Variants in SENP5 observed in about 807,000 individuals in gnomAD.
SENP5 encodes the protein sentrin-specific protease 5.
Under a neutral mutation model 74.2 loss-of-function variants are expected in SENP5, and 21 were observed. That is an observed-to-expected ratio of 0.28 (90% confidence interval 0.20 to 0.41). The LOEUF (loss-of-function observed/expected upper bound fraction) is 0.41, where lower values mean the gene tolerates loss of function less well. Ranked by LOEUF, SENP5 falls within the 10% of genes least tolerant of loss-of-function variation. The pLI is 1.00. For missense variants in SENP5, 717 were observed against 889.1 expected, an observed-to-expected ratio of 0.81 and a Z score of 2.46; for synonymous variants, 311 against 312.7, an observed-to-expected ratio of 0.99 and a Z score of 0.06.
rs115004507 is a variant in SENP5 at position 196,917,856 on chromosome 3, A to G, written c.1885-5558A>G. 5.5e-3 allele frequency among the ~76,000 whole-genome samples: 835 copies of G among 152,282 alleles called. 1 individual carries two copies. The highest frequency in any genetic ancestry group is 0.019 in the African/African-American group (790 of 41,552). On this transcript the variant is annotated intron_variant, in intron 6 of 9. Transcript: ENST00000323460. The stretch of plus-strand genomic sequence containing the variant: ...AAAGGACATGAGTGAGCAATAAGAA[A>G]TCATCCAAAGGTACAAAACTCACTG...
At chr3:196,925,081 A>G (rs1715762355) in intron 7 of SENP5, among the ~76,000 whole-genome samples, 1 of 152,170 alleles carries the variant, frequency 6.6e-6, no homozygotes, top group African/African-American at 2.4e-5. Context: ...GTGGGACCTT[A>G]CCATTTTTTA....
At chr3:196,922,206 T>C (rs1425479048) in intron 6 of SENP5, among the ~76,000 whole-genome samples, 1 of 152,226 alleles carries the variant, frequency 6.6e-6, no homozygotes, top group African/African-American at 2.4e-5. Flanking sequence ...ATTCTTTTAT[T>C]ACTCTTAAAA....
chr3:196,884,500 CTA>C (rs1322331507), intron 1 of SENP5, among the ~76,000 whole-genome samples: 1 of 152,126 alleles, frequency 6.6e-6, no homozygotes, highest in Non-Finnish European at 1.5e-5. Context: ...GGAAGAAAGA[CTA>C]TGAAACAGAA....
In SENP5 at chr3:196,885,065, T is replaced by C. The variant is rs570451629; in HGVS notation, c.-31-86T>C. 1.8e-4 allele frequency: 130 copies of C among 731,978 alleles called. No homozygotes were observed. The South Asian group carries it at 2.0e-3, about 11-fold the overall frequency. The allele number at this position is 731,978 out of a possible 1,614,324, so 45.3% of individuals were successfully genotyped here. ...TTGAAGTATATGTACTCTTTTTTTT[T>C]CTCAATTTTCTGCCTTAGTTACTGT... On this transcript the variant is annotated intron_variant, in intron 1 of 9. Coordinates refer to ENST00000323460, the MANE Select transcript of SENP5 (RefSeq NM_152699.5).
intron 2 of SENP5, among the ~76,000 whole-genome samples, chr3:196,888,312 G>A (rs1233259093): frequency 6.6e-6 from 1 of 152,236 alleles, no homozygotes; most frequent in Non-Finnish European, 1.5e-5. Flanking sequence ...GCCAGGTGCT[G>A]TGGCTCACGC....
chr3:196,874,367 T>C (rs7649796), intron 1 of SENP5, among the ~76,000 whole-genome samples: 3,761 of 151,490 alleles, frequency 0.025, 159 homozygotes, highest in African/African-American at 0.086. Flanking sequence ...TCCACCTTGG[T>C]TTTTGTCCTT....
intron 2 of SENP5, among the ~76,000 whole-genome samples, chr3:196,894,312 A>G (rs1242289850): frequency 6.6e-6 from 1 of 151,696 alleles, no homozygotes; most frequent in Non-Finnish European, 1.5e-5. Flanking sequence ...TAGTAGAGAC[A>G]GGGTTTCTCC....
chr3:196,875,269 G>T (rs1467340043), intron 1 of SENP5, among the ~76,000 whole-genome samples: 2 of 152,182 alleles, frequency 1.3e-5, no homozygotes, highest in African/African-American at 4.8e-5. Flanking sequence ...CCTGAAGATT[G>T]ATTCACTTTG....
intron 1 of SENP5, among the ~76,000 whole-genome samples, chr3:196,878,317 C>G (rs912161918): frequency 2.0e-5 from 3 of 152,154 alleles, no homozygotes; most frequent in Non-Finnish European, 4.4e-5. Context: ...ACCTCCCTTT[C>G]TTCTCCCCGT....
At chr3:196,914,179 G>T (rs1160836912) in intron 6 of SENP5, 1 of 152,124 alleles carries the variant, frequency 6.6e-6, no homozygotes, top group Admixed American at 6.6e-5. Flanking sequence ...TTTGGATTTT[G>T]CAGACCTTAT....
intron 1 of SENP5, among the ~76,000 whole-genome samples, chr3:196,870,854 G>GA (rs1713184482): frequency 6.6e-6 from 1 of 151,964 alleles, no homozygotes; most frequent in Admixed American, 6.6e-5. Flanking sequence ...GATGACAAAG[G>GA]ATATCCTAAA....
Position 196,933,013 on chromosome 3 carries a change from G to GTTTTTTTTTTTTTTTTTTTTTTT in SENP5, c.*2096_*2097insTTTTTTTTTTTTTTTTTTTTTTT, listed in dbSNP as rs374827593. ...GGCTTAGACTAAATGTTGAGTTTGGGTTTTTTGTTTTTTTTTTTTTTTGAG... is the reference window on the plus strand; with the variant it reads ...GGCTTAGACTAAATGTTGAGTTTGGGTTTTTTTTTTTTTTTTTTTTTTTTTTTTTGTTTTTTTTTTTTTTTGAG... On this transcript the variant is annotated 3_prime_UTR_variant, in exon 10 of 10. Transcript: ENST00000323460. The GTTTTTTTTTTTTTTTTTTTTTTT allele has an allele frequency of 2.7e-5, 3 of 112,182 alleles. No individual in the cohort carries two copies. The highest frequency in any genetic ancestry group is 1.7e-5 in the Non-Finnish European group (1 of 59,134). 6.9% of individuals were successfully genotyped at this position (112,182 alleles called of 1,614,324 possible).
chr3:196,931,436 C>T lies in SENP5; in HGVS notation c.*513C>T, dbSNP rs1716035062. 1 of 105,742 alleles carries T rather than the reference C, an allele frequency of 9.5e-6. No individual in the cohort carries two copies. The highest frequency in any genetic ancestry group is 2.3e-4 in the South Asian group (1 of 4,358). 6.6% of individuals were successfully genotyped at this position (105,742 alleles called of 1,614,324 possible). ...TACCAGCGGCAACTTTCACCAACTT[C>T]CCTCTCCAAGTGAGTCTTAGAGAGT... On this transcript the variant is annotated 3_prime_UTR_variant, in exon 10 of 10. Transcript: ENST00000323460.
rs1367798828 is a variant in SENP5, at chr3:196,934,239, G to C, written c.*3316G>C. 1 of 152,214 alleles carries C rather than the reference G, an allele frequency of 6.6e-6. No individual in the cohort carries two copies. The highest frequency in any genetic ancestry group is 1.5e-5 in the Non-Finnish European group (1 of 68,044). The allele number at this position is 152,214 out of a possible 1,614,324, so 9.4% of individuals were successfully genotyped here. A position where few individuals can be genotyped will look rare whatever the true frequency, so the allele number is the denominator to read the frequency against. On this transcript the variant is annotated 3_prime_UTR_variant, in exon 10 of 10. Coordinates refer to ENST00000323460, the MANE Select transcript of SENP5 (RefSeq NM_152699.5). ...GAGTAACAGTCATCCTGGATTTATAGTTGGAACAGAACAGTAACAGACCTA... is the reference window on the plus strand; with the variant it reads ...GAGTAACAGTCATCCTGGATTTATACTTGGAACAGAACAGTAACAGACCTA...
intron 6 of SENP5, among the ~76,000 whole-genome samples, chr3:196,921,223 A>T (rs1653679790): frequency 6.6e-6 from 1 of 152,204 alleles, no homozygotes; most frequent in African/African-American, 2.4e-5. Context: ...CATGCCCTAA[A>T]GGTAATTTAC....
At position 196,885,445 on chromosome 3, in the gene SENP5, T is replaced by C. The variant is rs1421081477; in HGVS notation, c.264T>C (p.Asn88=). The C allele has an allele frequency of 1.2e-6, 2 of 1,614,168 alleles. No individual in the cohort carries two copies. Among genetic ancestry groups the C allele is most frequent in the East Asian group, 4.5e-5 (2 of 44,880 alleles). The change falls in exon 2 of 10, where the codon AAT becomes AAC. Residue 88 remains asparagine, a synonymous_variant. Transcript: ENST00000323460. Reference sequence around the variant, plus strand: ...CCAAGTTCAATGTGGCTACTCAAAATGTTAGTACTTTGTCCTCTAAAGTGA... The same window carrying C: ...CCAAGTTCAATGTGGCTACTCAAAACGTTAGTACTTTGTCCTCTAAAGTGA... The part of the protein sequence containing the change: ...AKTKFNVATQ[N]VSTLSSKVKR...
At position 196,885,255 on chromosome 3, in the gene SENP5, T is replaced by A. The variant is rs1466208392; in HGVS notation, c.74T>A (p.Phe25Tyr). 9 of 1,614,118 alleles carry A rather than the reference T, an allele frequency of 5.6e-6. No individual in the cohort carries two copies. Among genetic ancestry groups the A allele is most frequent in the Non-Finnish European group, 6.8e-6 (8 of 1,179,998 alleles). The change falls in exon 2 of 10, where the codon TTT (phenylalanine) becomes TAT (tyrosine). Residue 25 changes from phenylalanine (F) to tyrosine (Y), a missense_variant. Phe to Tyr is a conservative substitution (Grantham distance 22). Transcript: ENST00000323460. ...TTTTCTGAGAAATGGAATACTGGGT[T>A]TGGAGGCTTTAAGAAGTTTTATTTT... ...LAFSEKWNTG[F>Y]GGFKKFYFHQ... is the part of the protein sequence containing the mutation.
At chr3:196,884,973 C>T (rs747530479) in intron 1 of SENP5, among the ~76,000 whole-genome samples, 178 bp from the exon 2 acceptor site, 2 of 152,206 alleles carry the variant, frequency 1.3e-5, no homozygotes, top group Non-Finnish European at 2.9e-5. Flanking sequence ...TGTCCTCCCT[C>T]CTCTCCAGTT....
chr3:196,920,770 C>G (rs561178484), intron 6 of SENP5, among the ~76,000 whole-genome samples: 1 of 152,300 alleles, frequency 6.6e-6, no homozygotes, highest in East Asian at 1.9e-4. Context: ...CTTTATTCTG[C>G]GAATGGGACC....
Sources: gnomAD v4.1 joint callset for allele counts (sites outside exome capture counted in the v4.1 genomes callset) on GRCh38, gnomAD v4.1.1 for gene constraint, MANE v1.5 for transcripts, NCBI Gene and HGNC (gene_info 2026-07-23, HGNC 2026-07-21) for gene names.